Variants in ENPEP observed in about 807,000 individuals in gnomAD.
ENPEP encodes AP-A.
In ENPEP, 103 loss-of-function variants were observed where a neutral mutation model predicts 114.5. The observed-to-expected ratio is 0.90, with a 90% confidence interval of 0.77 to 1.06. The LOEUF is 1.06. Ranked by LOEUF, ENPEP falls within the 50% of genes least tolerant of loss-of-function variation. ENPEP has a pLI of 0.00. For synonymous variants in ENPEP, 420 were observed against 422.0 expected (o/e 1.00, Z 0.06); for missense variants, 1,196 against 1,161.3 (o/e 1.03, Z -0.43).
intron 3 of ENPEP, 56 bp from the exon 4 acceptor site, chr4:110,506,581 G>A (rs1163476146): frequency 1.3e-6 from 2 of 1,538,460 alleles, no homozygotes; most frequent in Non-Finnish European, 1.8e-6. Flanking sequence ...CACAGTTTTT[G>A]TATTTTGTTG....
intron 1 of ENPEP, among the ~76,000 whole-genome samples, chr4:110,483,644 A>G (rs1009964800): frequency 6.6e-6 from 1 of 152,222 alleles, no homozygotes; most frequent in Non-Finnish European, 1.5e-5. Context: ...TGCTAGGTCT[A>G]GTAAGTGACT....
intron 10 of ENPEP, among the ~76,000 whole-genome samples, chr4:110,524,337 G>T (rs1356635430): frequency 6.6e-6 from 1 of 152,102 alleles, no homozygotes; most frequent in African/African-American, 2.4e-5. Flanking sequence ...GAGTAGTGAT[G>T]AATTTATCTA....
At chr4:110,510,209 A>T (rs767350724) in intron 5 of ENPEP, 36 bp from the exon 6 acceptor site, 100 of 1,549,444 alleles carry the variant, frequency 6.5e-5, no homozygotes, top group Non-Finnish European at 8.7e-5. Flanking sequence ...CATACCCATA[A>T]GAATGTAATT....
intron 4 of ENPEP, among the ~76,000 whole-genome samples, chr4:110,507,023 T>C (rs1056639325): frequency 2.0e-5 from 3 of 152,206 alleles, no homozygotes; most frequent in Admixed American, 6.5e-5. Flanking sequence ...AAGATGAAAG[T>C]ATGTGCACAA....
chr4:110,507,276 T>C (rs938702863), intron 4 of ENPEP, among the ~76,000 whole-genome samples: 1 of 152,214 alleles, frequency 6.6e-6, no homozygotes, highest in Non-Finnish European at 1.5e-5. Flanking sequence ...TAATTTTTTC[T>C]AATACAGAGG....
intron 13 of ENPEP, among the ~76,000 whole-genome samples, chr4:110,547,928 T>C (rs760119564): frequency 6.6e-6 from 1 of 152,036 alleles, no homozygotes; most frequent in Non-Finnish European, 1.5e-5. Flanking sequence ...CTTTTTCAAA[T>C]GTACATCTTA....
At chr4:110,517,545 C>T (rs932753179) in intron 8 of ENPEP, among the ~76,000 whole-genome samples, 1 of 152,128 alleles carries the variant, frequency 6.6e-6, no homozygotes, top group African/African-American at 2.4e-5. Flanking sequence ...TAGAGAAGTA[C>T]TAAGATTCCT....
rs570826947 is a variant in ENPEP at position 110,490,888 on chromosome 4, C to T, written c.787-145C>T. On this transcript the variant is annotated intron_variant, in intron 2 of 19. Transcript: ENST00000265162. The stretch of plus-strand genomic sequence containing the variant: ...GTAAATTTTCCTGTAGTCTTTTCAA[C>T]ATCACCACAAACAATTTGACCTCTA... 12 of 837,448 alleles carry T rather than the reference C, an allele frequency of 1.4e-5. No individual in the cohort carries two copies. In the African/African-American group the frequency reaches 1.9e-4, roughly 13 times the overall value. 51.9% of individuals were successfully genotyped at this position (837,448 alleles called of 1,614,324 possible).
At position 110,476,357 on chromosome 4, in the gene ENPEP, C is replaced by T. The variant is rs868419087; in HGVS notation, c.-58C>T. 2 of 1,493,502 alleles carry T rather than the reference C, an allele frequency of 1.3e-6. No homozygotes were observed. Among genetic ancestry groups the T allele is most frequent in the African/African-American group, 1.4e-5 (1 of 71,454 alleles). 92.5% of individuals were successfully genotyped at this position (1,493,502 alleles called of 1,614,324 possible). A position where few individuals can be genotyped will look rare whatever the true frequency, so the allele number is the denominator to read the frequency against. ...CCAATTTAAAAAGGAAGTCTGCTGA[C>T]GTTAGTTAGTTAAATTTAACATCTT... is the stretch of plus-strand genomic sequence containing the variant. On this transcript the variant is annotated 5_prime_UTR_variant, in exon 1 of 20. It adds an upstream start codon to the 5' untranslated region. Coordinates refer to ENST00000265162, the MANE Select transcript of ENPEP (RefSeq NM_001977.4).
At chr4:110,560,619 G>C (rs1030937767) in intron 19 of ENPEP, among the ~76,000 whole-genome samples, 2 of 152,152 alleles carry the variant, frequency 1.3e-5, no homozygotes, top group Admixed American at 1.3e-4. Context: ...AGACAGTTCA[G>C]CTCATGAAAT....
chr4:110,558,270 T>TTATATATATA (rs5861011), intron 18 of ENPEP, among the ~76,000 whole-genome samples: 1,607 of 141,574 alleles, frequency 0.011, 26 homozygotes, highest in African/African-American at 0.04. Flanking sequence ...TTTATAAAAA[T>TTATATATATA]TATATATATA....
At chr4:110,519,037 T>C in intron 8 of ENPEP, 1 of 454,094 alleles carries the variant, frequency 2.2e-6, no homozygotes, top group Non-Finnish European at 4.4e-6. Flanking sequence ...CTGTAATGAA[T>C]ACCTAAAAGT....
chr4:110,512,479 C>T (rs1433709428), intron 6 of ENPEP: 3 of 152,190 alleles, frequency 2.0e-5, no homozygotes, highest in South Asian at 4.1e-4. Context: ...GCAGTCATCA[C>T]TTGACAGCAG....
Position 110,563,937 on chromosome 4 carries a change from G to A in ENPEP, c.*2379G>A, listed in dbSNP as rs146768810. On this transcript the variant is annotated 3_prime_UTR_variant, in exon 20 of 20. Coordinates refer to ENST00000265162, the MANE Select transcript of ENPEP (RefSeq NM_001977.4). Reference sequence around the variant, plus strand: ...CCTACAGCTTACCCTCCAAGTTGGTGAAGTGTTAGTCCAAAAGTAGAAACA... The same window carrying A: ...CCTACAGCTTACCCTCCAAGTTGGTAAAGTGTTAGTCCAAAAGTAGAAACA... 1 of 152,286 alleles carries A rather than the reference G, an allele frequency of 6.6e-6. No individual in the cohort carries two copies. The highest frequency in any genetic ancestry group is 2.4e-5 in the African/African-American group (1 of 41,552). The allele number at this position is 152,286 out of a possible 1,614,324, so 9.4% of individuals were successfully genotyped here.
intron 10 of ENPEP, among the ~76,000 whole-genome samples, chr4:110,524,552 T>A (rs1726125591): frequency 6.6e-6 from 1 of 152,144 alleles, no homozygotes; most frequent in South Asian, 2.1e-4. Flanking sequence ...CTAATTAAAA[T>A]TTTTTCTATA....
At chr4:110,486,768 G>A (rs948024465) in intron 1 of ENPEP, among the ~76,000 whole-genome samples, 11 of 152,238 alleles carry the variant, frequency 7.2e-5, no homozygotes, top group Non-Finnish European at 7.4e-5. Flanking sequence ...CACCTTGCCC[G>A]CTGCCTAGAC....
rs779414605 is a variant in ENPEP, at chr4:110,488,576, C to G, written c.680C>G (p.Ala227Gly). 1 of 1,613,528 alleles carries G rather than the reference C, an allele frequency of 6.2e-7. No homozygotes were observed. The highest frequency in any genetic ancestry group is 1.3e-5 in the African/African-American group (1 of 74,874). ...GCCACCGATCATGAACCAACAGATGCCAGGAAATCTTTTCCTTGTTTTGAT... is the reference window on the plus strand; with the variant it reads ...GCCACCGATCATGAACCAACAGATGGCAGGAAATCTTTTCCTTGTTTTGAT... The part of the protein sequence containing the change: ...IVATDHEPTD[A>G]RKSFPCFDEP... Residue 227 changes from alanine (A) to glycine (G), a missense_variant, in exon 2 of 20, where the codon GCC becomes GGC. Coordinates refer to ENST00000265162, the MANE Select transcript of ENPEP (RefSeq NM_001977.4).
intron 6 of ENPEP, among the ~76,000 whole-genome samples, chr4:110,510,923 T>C (rs146287696): frequency 1.1e-3 from 173 of 152,328 alleles, no homozygotes; most frequent in African/African-American, 4.0e-3. Flanking sequence ...TCTTGTAAGC[T>C]TAAAAGCTCC....
chr4:110,508,360 T>C (rs1578400233), intron 4 of ENPEP, among the ~76,000 whole-genome samples: 1 of 152,184 alleles, frequency 6.6e-6, no homozygotes, highest in South Asian at 2.1e-4. Flanking sequence ...TGAAAAATAT[T>C]GGCCCTTGGG....
Sources: allele counts gnomAD v4.1 joint callset (sites outside exome capture counted in the v4.1 genomes callset), GRCh38; gene constraint gnomAD v4.1.1; transcripts MANE v1.5; gene names NCBI Gene and HGNC (gene_info 2026-07-23, HGNC 2026-07-21).